The following FAM149A variants were observed in gnomAD, a reference collection of about 807,000 sequenced individuals.
FAM149A encodes protein FAM149A.
A neutral mutation model predicts 78.2 loss-of-function variants in FAM149A; 71 were observed. The observed-to-expected ratio is 0.91, with a 90% CI of 0.75 to 1.11. FAM149A has a LOEUF of 1.11. Ranked by LOEUF, FAM149A falls within the 50% of genes least tolerant of loss-of-function variation. FAM149A has a pLI of 0.00. For synonymous variants in FAM149A, 446 were observed against 410.5 expected (o/e 1.09, Z -1.04); for missense variants, 1,036 against 971.0 (o/e 1.07, Z -0.89).
intron 6 of FAM149A, 109 bp downstream of exon 6, chr4:186,154,747 A>G (rs1012918516): frequency 6.9e-7 from 1 of 1,444,790 alleles, no homozygotes. Flanking sequence ...TACTCACCCA[A>G]AAGATTTCTG....
chr4:186,142,169 A>G (rs559030659), intron 1 of FAM149A, among the ~76,000 whole-genome samples: 28 of 152,354 alleles, frequency 1.8e-4, no homozygotes, highest in African/African-American at 6.5e-4. Flanking sequence ...GCAAGGCAGC[A>G]GGAGCCTGCT....
intron 1 of FAM149A, among the ~76,000 whole-genome samples, chr4:186,140,053 G>C (rs1196781793): frequency 6.6e-6 from 1 of 152,146 alleles, no homozygotes; most frequent in Non-Finnish European, 1.5e-5. Context: ...TCTATATGCA[G>C]TTTCCAAAAT....
chr4:186,127,146 A>T (rs1475241178), intron 1 of FAM149A: 2 of 985,042 alleles, frequency 2.0e-6, no homozygotes, highest in Non-Finnish European at 2.4e-6. Flanking sequence ...GCACGGGCCA[A>T]CAGGAGCAAC....
At chr4:186,154,793 G>C (rs552948572) in intron 6 of FAM149A, 155 bp downstream of exon 6, 2 of 985,312 alleles carry the variant, frequency 2.0e-6, no homozygotes, top group Non-Finnish European at 2.4e-6. Context: ...AGAGCTTTTG[G>C]ATTCCTAGCC....
chr4:186,166,393 G>A (rs1168784104), intron 11 of FAM149A, among the ~76,000 whole-genome samples: 15 of 152,204 alleles, frequency 9.9e-5, no homozygotes, highest in Non-Finnish European at 1.5e-4. Flanking sequence ...GCTCACGCCT[G>A]TAATCCCAGC....
intron 3 of FAM149A, among the ~76,000 whole-genome samples, chr4:186,149,931 G>A (rs1211825737): frequency 6.6e-6 from 1 of 152,146 alleles, no homozygotes. Flanking sequence ...TTAGCTGCCC[G>A]CAGTTTTCTT....
In FAM149A at chr4:186,105,483, T is replaced by A. The variant is rs2099308377; in HGVS notation, c.407T>A (p.Val136Asp). The stretch of plus-strand genomic sequence containing the variant: ...CGGCCGCCCTCGGGCCCCGGCGGGG[T>A]CTGGGCCGCGCTCCCCAGGAACCCG... Residue 136 changes from valine (V) to aspartate (D), a missense_variant, in exon 1 of 14, where the codon GTC (valine) becomes GAC (aspartate). Around this residue, in one of 3 missense-constraint regions of FAM149A, gnomAD observed 316 missense variants for 241.9 expected, o/e 1.31. Transcript: ENST00000389354. 1 of 1,207,236 alleles carries A rather than the reference T, an allele frequency of 8.3e-7. No individual in the cohort carries two copies. The highest frequency in any genetic ancestry group is 1.0e-6 in the Non-Finnish European group (1 of 955,228). 74.8% of individuals were successfully genotyped at this position (1,207,236 alleles called of 1,614,324 possible).
At chr4:186,125,838 A>T (rs914805713) in intron 1 of FAM149A, 1 of 985,418 alleles carries the variant, frequency 1.0e-6, no homozygotes, top group African/African-American at 1.7e-5. Context: ...AATACGAGGT[A>T]GGGATGAGAT....
Position 186,157,426 on chromosome 4 carries a change from T to C in FAM149A, c.1421-139T>C, listed in dbSNP as rs961257559. On this transcript the variant is annotated intron_variant, in intron 7 of 13. Coordinates refer to ENST00000389354, the MANE Select transcript of FAM149A (RefSeq NM_001367768.3). ...AGTTGCTCCACAGGGGTCTCTGCCC[T>C]CCGTGGTAACATGTGGAGTGGCCGT... 9.8e-6 allele frequency: 8 copies of C among 816,374 alleles called. No individual in the cohort carries two copies. The African/African-American group carries it at 1.2e-4, about 12-fold the overall frequency. 50.6% of individuals were successfully genotyped at this position (816,374 alleles called of 1,614,324 possible).
At chr4:186,149,310 C>CA (rs201381509) in intron 2 of FAM149A, 27 bp downstream of exon 2, 1 of 1,272,898 alleles carries the variant, frequency 7.9e-7, no homozygotes, top group East Asian at 5.6e-5. Context: ...CTTCAGATTA[C>CA]AAAATCACAA....
rs1178213660 is a variant in FAM149A at position 186,154,523 on chromosome 4, C to T, written c.1114C>T (p.Pro372Ser). 5 of 1,614,076 alleles carry T rather than the reference C, an allele frequency of 3.1e-6. No individual in the cohort carries two copies. The highest frequency in any genetic ancestry group is 2.2e-5 in the East Asian group (1 of 44,874). ...AGCAGCACTCTCAGCCTCTGCCCTGCCAGGCCCTGATGACACAGGGGTTGC... is the reference window on the plus strand; with the variant it reads ...AGCAGCACTCTCAGCCTCTGCCCTGTCAGGCCCTGATGACACAGGGGTTGC... The change falls in exon 6 of 14, where the codon CCA (proline) becomes TCA (serine). Residue 372 changes from proline (P) to serine (S), a missense_variant. Pro to Ser is a moderately conservative substitution (Grantham distance 74). Around this residue, in one of 3 missense-constraint regions of FAM149A, gnomAD observed 716 missense variants for 711.8 expected, o/e 1.01. Transcript: ENST00000389354.
At chr4:186,143,081 T>G (rs1010652420) in intron 1 of FAM149A, among the ~76,000 whole-genome samples, 2 of 151,004 alleles carry the variant, frequency 1.3e-5, no homozygotes, top group African/African-American at 4.9e-5. Context: ...ATATGTAAAA[T>G]AATATATATA....
At chr4:186,115,390 C>G (rs887092197) in intron 1 of FAM149A, among the ~76,000 whole-genome samples, 5 of 149,892 alleles carry the variant, frequency 3.3e-5, no homozygotes, top group Non-Finnish European at 4.4e-5. Context: ...CGCCTTCTCT[C>G]AGCTCGTCAA....
intron 1 of FAM149A, among the ~76,000 whole-genome samples, chr4:186,137,835 C>T (rs1210330721): frequency 6.6e-6 from 1 of 151,556 alleles, no homozygotes. Context: ...AATTTCACCA[C>T]TTAGGTAATT....
intron 1 of FAM149A, chr4:186,125,809 G>A (rs951264362): frequency 2.4e-4 from 232 of 985,260 alleles, no homozygotes; most frequent in Non-Finnish European, 2.6e-4. Context: ...CCAACCGTTT[G>A]GAAGGGAGGC....
At chr4:186,142,808 C>T (rs1302910259) in intron 1 of FAM149A, among the ~76,000 whole-genome samples, 1 of 152,198 alleles carries the variant, frequency 6.6e-6, no homozygotes, top group Non-Finnish European at 1.5e-5. Flanking sequence ...CACTGAGCAA[C>T]CCCACGGGGA....
chr4:186,154,544 G>T lies in FAM149A; in HGVS notation c.1135G>T (p.Val379Phe). ...CCTGCCAGGCCCTGATGACACAGGG[G>T]TTGCTGACCTAACGGCACGTTCATC... is the stretch of plus-strand genomic sequence containing the variant. The change falls in exon 6 of 14, where the codon GTT becomes TTT. Residue 379 changes from valine (V) to phenylalanine (F), a missense_variant. Physicochemically the swap from Val to Phe is conservative, Grantham distance 50. Coordinates refer to ENST00000389354, the MANE Select transcript of FAM149A (RefSeq NM_001367768.3). The T allele has an allele frequency of 6.2e-7, 1 of 1,614,070 alleles. No homozygotes were observed. Among genetic ancestry groups the T allele is most frequent in the Non-Finnish European group, 8.5e-7 (1 of 1,179,958 alleles).
At chr4:186,160,727 A>G in intron 8 of FAM149A, 1 of 906,242 alleles carries the variant, frequency 1.1e-6, no homozygotes, top group South Asian at 5.2e-5. Flanking sequence ...CACACACCTC[A>G]CCACACCCCA....
chr4:186,145,249 G>A, intron 1 of FAM149A: 1 of 693,044 alleles, frequency 1.4e-6, no homozygotes, highest in Non-Finnish European at 1.8e-6. Flanking sequence ...CCGGCCCCGG[G>A]CATGGCTCAC....
Sources: allele counts gnomAD v4.1 joint callset (sites outside exome capture counted in the v4.1 genomes callset), GRCh38; gene constraint gnomAD v4.1.1; regional missense constraint gnomAD v4.1.1; transcripts MANE v1.5; gene names NCBI Gene and HGNC (gene_info 2026-07-23, HGNC 2026-07-21).